Variants in GRIK4 observed in about 807,000 individuals in gnomAD.
GRIK4 encodes glutamate receptor ionotropic, kainate 4.
GRIK4 carries 40 observed loss-of-function variants against 104.9 expected under a neutral mutation model. That is an observed-to-expected ratio of 0.38 (90% CI 0.30 to 0.50). The LOEUF (loss-of-function observed/expected upper bound fraction) is 0.50, where lower values mean the gene tolerates loss of function less well. Among genes scored for constraint, GRIK4 ranks in the 20% least tolerant of loss-of-function variants. The pLI, the probability that GRIK4 is intolerant of heterozygous loss-of-function variation, is 0.93. For synonymous variants in GRIK4, 485 were observed against 524.9 expected, an observed-to-expected ratio of 0.92 and a Z score of 1.04; for missense variants, 1,047 against 1,308.1, an observed-to-expected ratio of 0.80 and a Z score of 3.08.
At chr11:120,777,480 T>C (rs1952065820) in intron 3 of GRIK4, among the ~76,000 whole-genome samples, 1 of 152,204 alleles carries the variant, frequency 6.6e-6, no homozygotes, top group Non-Finnish European at 1.5e-5. Context: ...TGGGAAGTAT[T>C]GAGTGAGTGC....
chr11:120,770,448 A>C (rs144144765), intron 3 of GRIK4, among the ~76,000 whole-genome samples: 1 of 152,342 alleles, frequency 6.6e-6, no homozygotes, highest in African/African-American at 2.4e-5. Context: ...CCATCACTGT[A>C]TCAGGCCCTG....
At chr11:120,667,710 G>A (rs1366236974) in intron 3 of GRIK4, among the ~76,000 whole-genome samples, 2 of 152,228 alleles carry the variant, frequency 1.3e-5, no homozygotes, top group Non-Finnish European at 2.9e-5. Flanking sequence ...TGGGCAGCTC[G>A]TGGTGGACCC....
chr11:120,883,077 G>A (rs1205788841), intron 11 of GRIK4, among the ~76,000 whole-genome samples: 1 of 152,180 alleles, frequency 6.6e-6, no homozygotes, highest in African/African-American at 2.4e-5. Context: ...CTATTATTCA[G>A]TGCTGGGGGC....
At chr11:120,682,632 C>T (rs1457140815) in intron 3 of GRIK4, among the ~76,000 whole-genome samples, 3 of 150,594 alleles carry the variant, frequency 2.0e-5, no homozygotes, top group African/African-American at 7.4e-5. Context: ...TCCTATTTAT[C>T]CTACAGGTAA....
At chr11:120,749,812 CG>C (rs1213896019) in intron 3 of GRIK4, among the ~76,000 whole-genome samples, 2 of 152,040 alleles carry the variant, frequency 1.3e-5, no homozygotes, top group South Asian at 2.1e-4. Flanking sequence ...CAGCGGTGGG[CG>C]GGGGGAAGTT....
intron 1 of GRIK4, among the ~76,000 whole-genome samples, chr11:120,514,578 C>T (rs73584200): frequency 1.2e-4 from 18 of 152,042 alleles, no homozygotes; most frequent in Admixed American, 9.8e-4. Flanking sequence ...GATGGCTCAC[C>T]GTTTTCACCC....
chr11:120,789,146 G>A (rs1952346328), intron 3 of GRIK4, among the ~76,000 whole-genome samples: 1 of 152,004 alleles, frequency 6.6e-6, no homozygotes, highest in Admixed American at 6.5e-5. Context: ...CCTGACCCTG[G>A]GGACTCCCGG....
At chr11:120,770,083 G>A (rs975867124) in intron 3 of GRIK4, among the ~76,000 whole-genome samples, 1 of 152,200 alleles carries the variant, frequency 6.6e-6, no homozygotes, top group African/African-American at 2.4e-5. Flanking sequence ...ACCCAGAGGA[G>A]TTCTGCAATT....
chr11:120,564,318 C>T (rs1363224219), intron 1 of GRIK4: 1 of 152,190 alleles, frequency 6.6e-6, no homozygotes, highest in African/African-American at 2.4e-5. Context: ...CCACCGGATT[C>T]CATTTGTAAA....
chr11:120,625,832 G>A (rs1427518897), intron 1 of GRIK4, among the ~76,000 whole-genome samples: 1 of 152,054 alleles, frequency 6.6e-6, no homozygotes, highest in South Asian at 2.1e-4. Flanking sequence ...TAGAGACAGC[G>A]GCAGATGGGG....
intron 11 of GRIK4, among the ~76,000 whole-genome samples, chr11:120,884,516 A>G (rs1592036451): frequency 6.6e-6 from 1 of 152,190 alleles, no homozygotes. Flanking sequence ...CTGGCCACTC[A>G]GGGCTTCAGG....
chr11:120,570,145 G>A (rs1013851886), intron 1 of GRIK4, among the ~76,000 whole-genome samples: 3 of 135,908 alleles, frequency 2.2e-5, no homozygotes, highest in East Asian at 4.0e-4. Context: ...GATCAAGGTC[G>A]AAAAGGCTGC....
intron 3 of GRIK4, among the ~76,000 whole-genome samples, chr11:120,795,947 T>C (rs961370766): frequency 2.6e-5 from 4 of 152,330 alleles, no homozygotes; most frequent in East Asian, 3.9e-4. Flanking sequence ...TAATACAGTA[T>C]AAGTGTTATG....
chr11:120,729,577 T>A (rs1951092347), intron 3 of GRIK4, among the ~76,000 whole-genome samples: 1 of 152,230 alleles, frequency 6.6e-6, no homozygotes, highest in African/African-American at 2.4e-5. Flanking sequence ...AAATGTGTAT[T>A]CAGATCTTTT....
chr11:120,803,066 A>G (rs1420014203), intron 4 of GRIK4, among the ~76,000 whole-genome samples: 3 of 152,246 alleles, frequency 2.0e-5, no homozygotes, highest in Non-Finnish European at 4.4e-5. Flanking sequence ...GTGGAGTAGA[A>G]TTAAGACAGG....
At chr11:120,600,830 A>AGGC (rs1370881292) in intron 1 of GRIK4, among the ~76,000 whole-genome samples, 7 of 152,202 alleles carry the variant, frequency 4.6e-5, no homozygotes, top group Non-Finnish European at 8.8e-5. Context: ...TGGGAGGCTG[A>AGGC]GGCAGGCAAA....
chr11:120,965,648 G>A (rs376323464), intron 18 of GRIK4, among the ~76,000 whole-genome samples: 32 of 152,342 alleles, frequency 2.1e-4, no homozygotes, highest in African/African-American at 7.7e-4. Flanking sequence ...AGGTTCTACT[G>A]TGGAGCTGTG....
rs78437828 is a variant in GRIK4 at position 120,906,706 on chromosome 11, C to T, written c.1476+1213C>T. On this transcript the variant is annotated intron_variant, in intron 13 of 20. Transcript: ENST00000527524. Reference sequence around the variant, plus strand: ...TCCTTGACAAGGGATTGGGAAAAGTCCTATGTAGATGAGAACTGTGGAAAA... The same window carrying T: ...TCCTTGACAAGGGATTGGGAAAAGTTCTATGTAGATGAGAACTGTGGAAAA... 5.8e-3 allele frequency among the ~76,000 whole-genome samples: 879 copies of T among 152,238 alleles called. 5 individuals carry two copies. Among genetic ancestry groups the T allele is most frequent in the Non-Finnish European group, 0.011 (723 of 68,016 alleles).
chr11:120,758,370 A>G lies in GRIK4; in HGVS notation c.83-44323A>G, dbSNP rs79059558. 3.6e-3 allele frequency among the ~76,000 whole-genome samples: 547 copies of G among 152,272 alleles called. 12 individuals carry two copies. In the East Asian group the frequency reaches 0.064, roughly 18 times the overall value. ...AAGGCCCTAAGCCAGTAGGTTTCAT[A>G]AACTTTTTTTTCTTTTTTTCCAGCT... On this transcript the variant is annotated intron_variant, in intron 3 of 20. Coordinates refer to ENST00000527524, the MANE Select transcript of GRIK4 (RefSeq NM_014619.5).
Sources: allele counts gnomAD v4.1 joint callset (sites outside exome capture counted in the v4.1 genomes callset), GRCh38; gene constraint gnomAD v4.1.1; transcripts MANE v1.5; gene names NCBI Gene and HGNC (gene_info 2026-07-23, HGNC 2026-07-21).